The following SLC28A3 variants were observed in gnomAD, a reference collection of about 807,000 sequenced individuals.
SLC28A3 encodes concentrative Na(+)-nucleoside cotransporter 3.
SLC28A3 carries 68 observed loss-of-function variants against 84.2 expected under a neutral mutation model. The observed-to-expected ratio is 0.81, with a 90% CI of 0.66 to 0.99. The LOEUF is 0.99. SLC28A3 is among the 50% of genes least tolerant of loss of function. The probability of loss-of-function intolerance (pLI) is 0.00; values close to 1 mark genes in which losing one functional copy is unlikely to be tolerated. For synonymous variants in SLC28A3, 267 were observed against 303.6 expected, an observed-to-expected ratio of 0.88 and a Z score of 1.25; for missense variants, 712 against 841.5, an observed-to-expected ratio of 0.85 and a Z score of 1.90.
intron 1 of SLC28A3, among the ~76,000 whole-genome samples, chr9:84,316,700 G>A (rs1366718762): frequency 6.6e-6 from 1 of 152,176 alleles, no homozygotes; most frequent in Non-Finnish European, 1.5e-5. Flanking sequence ...TAGTAGGCAG[G>A]AGACACTGTG....
In SLC28A3 at chr9:84,299,585, G is replaced by T; in HGVS notation, c.665C>A (p.Thr222Asn). 6.2e-7 allele frequency: 1 copy of T among 1,613,870 alleles called. No homozygotes were observed. Among genetic ancestry groups the T allele is most frequent in the Non-Finnish European group, 8.5e-7 (1 of 1,179,936 alleles). ...VLLFLFSKYP[T>N]RVYWRPVLWG... ...AAAGATCAACTGGATACTTACTCTG[G>T]TTGGGTACTTGGAAAATAGAAATAA... Residue 222 changes from threonine (T) to asparagine (N), a missense_variant, in exon 6 of 18, where the codon ACC (threonine) becomes AAC (asparagine). Transcript: ENST00000376238.
chr9:84,292,159 C>A (rs1055164183), intron 10 of SLC28A3, among the ~76,000 whole-genome samples: 1 of 152,198 alleles, frequency 6.6e-6, no homozygotes, highest in Non-Finnish European at 1.5e-5. Flanking sequence ...GGTGGAAAGG[C>A]TTTCTTGGTC....
At chr9:84,345,822 G>GAA in the SLC28A3 span, among the ~76,000 whole-genome samples, 1 of 152,180 alleles carries the variant, frequency 6.6e-6, no homozygotes, top group African/African-American at 2.4e-5. Flanking sequence ...GGAGCTTTCA[G>GAA]AACCAGTAAA....
chr9:84,315,861 C>CTAA (rs755900824), intron 1 of SLC28A3, among the ~76,000 whole-genome samples: 5 of 152,158 alleles, frequency 3.3e-5, no homozygotes, highest in African/African-American at 7.2e-5. Context: ...TAGCAACTCA[C>CTAA]ATTACTAAAT....
At chr9:84,346,420 A>C in the SLC28A3 span, among the ~76,000 whole-genome samples, 4,162 of 152,342 alleles carry the variant, frequency 0.027, 144 homozygotes, top group East Asian at 0.089. Flanking sequence ...ATTTGTAAAA[A>C]TTGTGTAGAA....
chr9:84,349,542 G>GT, the SLC28A3 span, among the ~76,000 whole-genome samples: 1 of 152,134 alleles, frequency 6.6e-6, no homozygotes, highest in Non-Finnish European at 1.5e-5. Context: ...CGGCTTACTT[G>GT]TTTTTTATAA....
chr9:84,304,246 A>G (rs929057243), intron 4 of SLC28A3, among the ~76,000 whole-genome samples: 2 of 152,238 alleles, frequency 1.3e-5, no homozygotes, highest in African/African-American at 4.8e-5. Context: ...CTAAAATACT[A>G]TCTGGCCCAG....
intron 3 of SLC28A3, among the ~76,000 whole-genome samples, chr9:84,307,388 G>A (rs190916695): frequency 2.1e-5 from 3 of 142,258 alleles, no homozygotes; most frequent in East Asian, 2.1e-4. Context: ...CCAAAATTGC[G>A]CCATTGGATT....
intron 14 of SLC28A3, among the ~76,000 whole-genome samples, chr9:84,281,600 C>T (rs1280334651): frequency 6.6e-6 from 1 of 152,212 alleles, no homozygotes; most frequent in African/African-American, 2.4e-5. Flanking sequence ...TTTACTTGCT[C>T]TGCCTGAATG....
the SLC28A3 span, among the ~76,000 whole-genome samples, chr9:84,352,447 T>C: frequency 6.6e-6 from 1 of 152,100 alleles, no homozygotes; most frequent in East Asian, 1.9e-4. Flanking sequence ...CCTCCCAAAG[T>C]GCTGGGATTA....
Position 84,292,612 on chromosome 9 carries a change from T to C in SLC28A3, c.1023+56A>G, listed in dbSNP as rs1825279484. The C allele has an allele frequency of 2.1e-6, 3 of 1,426,698 alleles. No individual in the cohort carries two copies. In the East Asian group the frequency reaches 7.0e-5, roughly 33 times the overall value. 88.4% of individuals were successfully genotyped at this position (1,426,698 alleles called of 1,614,324 possible). A position where few individuals can be genotyped will look rare whatever the true frequency, so the allele number is the denominator to read the frequency against. On this transcript the variant is annotated intron_variant, in intron 10 of 17. Transcript: ENST00000376238. ...TGTGTTATTTTCTTATTTGGCTTTTTGGAAAGAGACGATCCATTTCAACAG... is the reference window on the plus strand; with the variant it reads ...TGTGTTATTTTCTTATTTGGCTTTTCGGAAAGAGACGATCCATTTCAACAG...
At chr9:84,285,134 T>TAC (rs199629953) in intron 14 of SLC28A3, among the ~76,000 whole-genome samples, 2 of 152,174 alleles carry the variant, frequency 1.3e-5, no homozygotes. Context: ...TAGCTGTGTC[T>TAC]ACACACACAC....
At chr9:84,352,342 C>G in the SLC28A3 span, among the ~76,000 whole-genome samples, 1 of 151,976 alleles carries the variant, frequency 6.6e-6, no homozygotes, top group Admixed American at 6.6e-5. Context: ...CGCCATCACA[C>G]CTGGCTAATT....
chr9:84,292,449 C>T (rs1825262654), intron 10 of SLC28A3: 1 of 484,928 alleles, frequency 2.1e-6, no homozygotes. Context: ...CTCTCTGTGT[C>T]TCTCTGTCTC....
the SLC28A3 span, among the ~76,000 whole-genome samples, chr9:84,361,846 A>G: frequency 6.6e-6 from 1 of 152,014 alleles, no homozygotes. Flanking sequence ...CAGGAATTTG[A>G]GGTTACAGTG....
At chr9:84,315,969 T>C (rs1356991124) in intron 1 of SLC28A3, among the ~76,000 whole-genome samples, 4 of 152,214 alleles carry the variant, frequency 2.6e-5, no homozygotes, top group Non-Finnish European at 5.9e-5. Context: ...AATTGCATTG[T>C]GAGTATGTCT....
chr9:84,295,654 C>G (rs1337255942), intron 8 of SLC28A3, among the ~76,000 whole-genome samples: 1 of 152,088 alleles, frequency 6.6e-6, no homozygotes, highest in Admixed American at 6.6e-5. Context: ...TCCTATTTTC[C>G]TGATGCTCTT....
At chr9:84,325,163 CTT>C (rs1037701380) in intron 1 of SLC28A3, among the ~76,000 whole-genome samples, 1 of 152,076 alleles carries the variant, frequency 6.6e-6, no homozygotes, top group Non-Finnish European at 1.5e-5. Flanking sequence ...CTTTACTACT[CTT>C]TTTATCTCCC....
intron 1 of SLC28A3, among the ~76,000 whole-genome samples, chr9:84,322,465 T>G (rs1006833251): frequency 1.3e-5 from 2 of 152,210 alleles, no homozygotes; most frequent in Admixed American, 6.5e-5. Context: ...TGTTACTTTT[T>G]GGTGATTTCT....
Sources: allele counts gnomAD v4.1 joint callset (sites outside exome capture counted in the v4.1 genomes callset), GRCh38; gene constraint gnomAD v4.1.1; transcripts MANE v1.5; gene names NCBI Gene and HGNC (gene_info 2026-07-23, HGNC 2026-07-21).